TBC1D9: variants seen among roughly 807,000 people sequenced by gnomAD.
TBC1D9 encodes the protein TBC1 domain family member 9A.
In TBC1D9, 63 loss-of-function variants were observed where a neutral mutation model predicts 132.0. The ratio of observed to expected loss-of-function variants is 0.48; its 90% CI spans 0.39 to 0.59. TBC1D9 has a LOEUF of 0.59. TBC1D9 is among the 20% of genes least tolerant of loss of function. TBC1D9 has a pLI of 0.00. For synonymous variants in TBC1D9, 610 were observed against 609.9 expected (o/e 1.00, Z 0.00); for missense variants, 1,261 against 1,592.7 (o/e 0.79, Z 3.54).
chr4:140,640,059 AG>A (rs1736960144), intron 13 of TBC1D9, among the ~76,000 whole-genome samples: 1 of 152,244 alleles, frequency 6.6e-6, no homozygotes, highest in South Asian at 2.1e-4. Context: ...TAAAGTATGA[AG>A]CTTAACCCAT....
chr4:140,665,287 C>T (rs1737426622), intron 9 of TBC1D9, among the ~76,000 whole-genome samples: 1 of 151,876 alleles, frequency 6.6e-6, no homozygotes, highest in South Asian at 2.1e-4. Context: ...CGAAGGATAC[C>T]ATCAAAGACA....
intron 1 of TBC1D9, among the ~76,000 whole-genome samples, chr4:140,718,108 T>C (rs1738366231): frequency 6.6e-6 from 1 of 152,196 alleles, no homozygotes; most frequent in South Asian, 2.1e-4. Flanking sequence ...TGGGATTCAA[T>C]TGAGTAATTA....
chr4:140,744,879 TAAA>T (rs34469042), intron 1 of TBC1D9, among the ~76,000 whole-genome samples: 90 of 107,508 alleles, frequency 8.4e-4, no homozygotes, highest in Middle Eastern at 5.1e-3. Flanking sequence ...CAAGAGTGTT[TAAA>T]AAAAAAAAAA....
intron 1 of TBC1D9, among the ~76,000 whole-genome samples, chr4:140,730,150 C>A (rs1738564731): frequency 6.6e-6 from 1 of 152,176 alleles, no homozygotes; most frequent in Admixed American, 6.5e-5. Flanking sequence ...ATTCCAGGCA[C>A]TAAAAAGCTT....
chr4:140,669,523 T>C (rs1005258543), intron 8 of TBC1D9, 111 bp downstream of exon 8: 6 of 1,214,974 alleles, frequency 4.9e-6, no homozygotes, highest in African/African-American at 1.5e-5. Context: ...GCTTAACTTA[T>C]AGGAAAATCT....
intron 20 of TBC1D9, among the ~76,000 whole-genome samples, chr4:140,623,396 T>A (rs577899584): frequency 8.3e-4 from 127 of 152,306 alleles, no homozygotes; most frequent in African/African-American, 2.9e-3. Context: ...ATTTGAAAAT[T>A]TTCCAACATC....
At chr4:140,707,581 T>G (rs576521962) in intron 1 of TBC1D9, among the ~76,000 whole-genome samples, 2 of 152,330 alleles carry the variant, frequency 1.3e-5, no homozygotes, top group South Asian at 4.1e-4. Context: ...ATGTAAGTGA[T>G]ACATTCTCTA....
chr4:140,645,511 T>C (rs927568613), intron 13 of TBC1D9: 11 of 361,460 alleles, frequency 3.0e-5, no homozygotes, highest in Non-Finnish European at 4.8e-5. Context: ...TAAGCCACTA[T>C]CCTCTCTTGC....
intron 16 of TBC1D9, among the ~76,000 whole-genome samples, chr4:140,631,601 CT>C (rs5862493): frequency 0.65 from 91,531 of 140,516 alleles, 29,169 homozygotes; most frequent in African/African-American, 0.71. Flanking sequence ...TTTAGTTTTT[CT>C]TTTTTTTTTT....
intron 13 of TBC1D9, chr4:140,643,304 G>A: frequency 7.5e-7 from 1 of 1,324,758 alleles, no homozygotes; most frequent in Non-Finnish European, 1.1e-6. Flanking sequence ...TCTGCTCCAA[G>A]ACAAGGCTCT....
rs114498001 is a variant in TBC1D9 at position 140,743,583 on chromosome 4, T to C, written c.130+12333A>G. The stretch of plus-strand genomic sequence containing the variant: ...AAAGACGCTGTGCAAAGAGCCACCC[T>C]CAGGGCTTTTGTCTGTGGCATTCCC... On this transcript the variant is annotated intron_variant, in intron 1 of 20. Transcript: ENST00000442267. Among the ~76,000 whole-genome samples, 1,048 of 152,292 alleles carry C rather than the reference T, an allele frequency of 6.9e-3. 11 individuals are homozygous for C. The highest frequency in any genetic ancestry group is 0.023 in the African/African-American group (951 of 41,572).
chr4:140,668,783 G>A, intron 9 of TBC1D9, 134 bp downstream of exon 9: 1 of 923,622 alleles, frequency 1.1e-6, no homozygotes, highest in Non-Finnish European at 1.6e-6. Context: ...ACTCTGGTGA[G>A]GAAACATGAT....
chr4:140,663,421 G>C (rs1310809446), intron 9 of TBC1D9, among the ~76,000 whole-genome samples: 1 of 152,154 alleles, frequency 6.6e-6, no homozygotes, highest in Non-Finnish European at 1.5e-5. Context: ...GTGGAGAAAA[G>C]GGAACCCTTG....
At chr4:140,654,484 T>C (rs1279262925) in intron 13 of TBC1D9, among the ~76,000 whole-genome samples, 1 of 98,968 alleles carries the variant, frequency 1.0e-5, no homozygotes, top group Non-Finnish European at 2.2e-5. Flanking sequence ...TGGGGGGGGG[T>C]ACTACGAATT....
At position 140,636,610 on chromosome 4, in the gene TBC1D9, C is replaced by T. The variant is rs1299120761; in HGVS notation, c.2506-2422G>A. On this transcript the variant is annotated intron_variant, in intron 15 of 20. Transcript: ENST00000442267. The stretch of plus-strand genomic sequence containing the variant: ...CTATGTTGCCCAGGCTGGTCTAGAA[C>T]TCCTGGGCTCCAGCACTCCACCCTC... Among the ~76,000 whole-genome samples the T allele has an allele frequency of 2.6e-5, 4 of 152,082 alleles. No individual in the cohort carries two copies. In the East Asian group the frequency reaches 7.7e-4, roughly 29 times the overall value.
At chr4:140,628,920 G>A (rs1245116126) in intron 16 of TBC1D9, among the ~76,000 whole-genome samples, 1 of 152,120 alleles carries the variant, frequency 6.6e-6, no homozygotes, top group African/African-American at 2.4e-5. Flanking sequence ...TATCACCATA[G>A]CTTCAATCGG....
At chr4:140,642,128 A>G (rs1177614385) in intron 13 of TBC1D9, 6 of 755,144 alleles carry the variant, frequency 7.9e-6, no homozygotes, top group African/African-American at 1.7e-5. Flanking sequence ...AGGGGCCGCC[A>G]GCTGCCTTGC....
At chr4:140,634,286 T>C in intron 15 of TBC1D9, 98 bp from the exon 16 acceptor site, 1 of 1,510,564 alleles carries the variant, frequency 6.6e-7, no homozygotes, top group Non-Finnish European at 8.9e-7. Flanking sequence ...TAGGTGAATC[T>C]GTGTGCATCC....
rs1167259343 is a variant in TBC1D9 at position 140,657,135 on chromosome 4, C to T, written c.2299G>A (p.Glu767Lys). 1 of 1,613,938 alleles carries T rather than the reference C, an allele frequency of 6.2e-7. No homozygotes were observed. The highest frequency in any genetic ancestry group is 1.1e-5 in the South Asian group (1 of 91,084). ...LLSDDVEPYP[E>K]VDIFRLIRTS... ...CTGATGAGTCTAAAGATGTCTACCTCAGGGTAAGGTTCCACATCATCGCTG... is the reference window on the plus strand; with the variant it reads ...CTGATGAGTCTAAAGATGTCTACCTTAGGGTAAGGTTCCACATCATCGCTG... The change falls in exon 13 of 21, where the codon GAG becomes AAG. Residue 767 changes from glutamate to lysine, a missense_variant. Coordinates refer to ENST00000442267, the MANE Select transcript of TBC1D9 (RefSeq NM_015130.3).
Sources: allele counts gnomAD v4.1 joint callset (sites outside exome capture counted in the v4.1 genomes callset), GRCh38; gene constraint gnomAD v4.1.1; transcripts MANE v1.5; gene names NCBI Gene and HGNC (gene_info 2026-07-23, HGNC 2026-07-21).